Variants in KATNA1 observed in about 807,000 individuals in gnomAD.
KATNA1 encodes katanin p60 ATPase-containing subunit A1.
A neutral mutation model predicts 62.6 loss-of-function variants in KATNA1; 42 were observed. That is an observed-to-expected ratio of 0.67 (90% CI 0.52 to 0.87). The LOEUF (loss-of-function observed/expected upper bound fraction) is 0.87, where lower values mean the gene tolerates loss of function less well. KATNA1 is among the 40% of genes least tolerant of loss of function. KATNA1 has a pLI of 0.00. For missense variants in KATNA1, 498 were observed against 612.5 expected (o/e 0.81, Z 1.97); for synonymous variants, 186 against 201.9 (o/e 0.92, Z 0.67).
At chr6:149,627,077 G>A (rs1050770602) in intron 3 of KATNA1, among the ~76,000 whole-genome samples, 2 of 151,696 alleles carry the variant, frequency 1.3e-5, no homozygotes, top group African/African-American at 4.9e-5. Context: ...AGTACATCAG[G>A]TAATATTAAG....
chr6:149,599,634 C>T (rs1230029180), intron 7 of KATNA1, among the ~76,000 whole-genome samples: 1 of 152,120 alleles, frequency 6.6e-6, no homozygotes, highest in Non-Finnish European at 1.5e-5. Flanking sequence ...TCTCCTGCCT[C>T]AGCCTCCCAA....
intron 7 of KATNA1, among the ~76,000 whole-genome samples, chr6:149,599,256 C>T (rs1270537908): frequency 6.7e-6 from 1 of 150,010 alleles, no homozygotes; most frequent in African/African-American, 2.4e-5. Flanking sequence ...AAAGAGTGAA[C>T]TTCATCATCA....
At chr6:149,628,190 T>C (rs1343780939) in intron 3 of KATNA1, among the ~76,000 whole-genome samples, 5 of 151,126 alleles carry the variant, frequency 3.3e-5, no homozygotes, top group Non-Finnish European at 5.9e-5. Context: ...CTCCGCCTCC[T>C]GGGTTCACGC....
In KATNA1 at chr6:149,604,906, G is replaced by A. The variant is rs896169815; in HGVS notation, c.502-124C>T. The A allele has an allele frequency of 4.5e-5, 38 of 845,102 alleles. 2 individuals are homozygous for A. The highest frequency in any genetic ancestry group is 3.7e-4 in the South Asian group (23 of 62,708). 52.4% of individuals were successfully genotyped at this position (845,102 alleles called of 1,614,324 possible). On this transcript the variant is annotated intron_variant, in intron 4 of 10. Transcript: ENST00000367411. ...AATACATCATTTGGCCAGGCGCAGT[G>A]GCTCACACCTGTAATCCCAGCACTT...
chr6:149,622,486 T>C (rs903665948), intron 4 of KATNA1, among the ~76,000 whole-genome samples: 1 of 152,138 alleles, frequency 6.6e-6, no homozygotes, highest in African/African-American at 2.4e-5. Flanking sequence ...AAAAGGGGCA[T>C]AATATTAATA....
chr6:149,635,702 C>T (rs558753677), intron 2 of KATNA1, among the ~76,000 whole-genome samples: 15 of 149,288 alleles, frequency 1.0e-4, no homozygotes, highest in Admixed American at 8.0e-4. Flanking sequence ...GAGTGAGACT[C>T]CGTCTCAAAA....
rs1022743513 is a variant in KATNA1 at position 149,648,713 on chromosome 6, C to G, written c.-258G>C. ...GGTGCCGGGGACGACCTCGGCGACT[C>G]TGGCGCACGCGGGGCGTCGCCCCGG... On this transcript the variant is annotated 5_prime_UTR_variant, in exon 1 of 11. Transcript: ENST00000367411. The G allele has an allele frequency of 6.6e-6, 1 of 152,344 alleles. No individual in the cohort carries two copies. Among genetic ancestry groups the G allele is most frequent in the Middle Eastern group, 3.4e-3 (1 of 292 alleles). The allele number at this position is 152,344 out of a possible 1,614,324, so 9.4% of individuals were successfully genotyped here. A position where few individuals can be genotyped will look rare whatever the true frequency, so the allele number is the denominator to read the frequency against.
chr6:149,600,314 C>T (rs780683702), intron 7 of KATNA1, among the ~76,000 whole-genome samples: 13 of 150,424 alleles, frequency 8.6e-5, no homozygotes, highest in Non-Finnish European at 1.5e-4. Context: ...GCCTGGGCAA[C>T]GTAGTGAGAC....
At chr6:149,638,727 ATTG>A in intron 1 of KATNA1, 167 bp from the exon 2 acceptor site, 6 of 241,158 alleles carry the variant, frequency 2.5e-5, no homozygotes, top group South Asian at 1.1e-4. Context: ...TAAAAAAAAC[ATTG>A]TTTTTTTTTT....
At chr6:149,642,192 C>G (rs191272261) in intron 1 of KATNA1, among the ~76,000 whole-genome samples, 1 of 152,160 alleles carries the variant, frequency 6.6e-6, no homozygotes, top group Non-Finnish European at 1.5e-5. Flanking sequence ...TGAGCCTATG[C>G]GCCTGGCCGA....
intron 3 of KATNA1, among the ~76,000 whole-genome samples, chr6:149,630,155 G>A (rs1779774628): frequency 2.0e-5 from 3 of 152,244 alleles, no homozygotes; most frequent in Admixed American, 2.0e-4. Flanking sequence ...CTACTTCAAT[G>A]AATTTTTCTA....
chr6:149,599,012 GT>G (rs1778431198), intron 7 of KATNA1, among the ~76,000 whole-genome samples: 1 of 151,916 alleles, frequency 6.6e-6, no homozygotes, highest in African/African-American at 2.4e-5. Context: ...CTACAGGTGT[GT>G]GCCACCACAC....
At chr6:149,602,132 C>T (rs749382588) in intron 6 of KATNA1, among the ~76,000 whole-genome samples, 10 of 152,028 alleles carry the variant, frequency 6.6e-5, no homozygotes, top group African/African-American at 1.2e-4. Flanking sequence ...TTTGAGAGGC[C>T]GAGGCAGGCA....
intron 2 of KATNA1, among the ~76,000 whole-genome samples, chr6:149,637,887 T>C (rs1398856051): frequency 6.6e-6 from 1 of 152,212 alleles, no homozygotes; most frequent in Non-Finnish European, 1.5e-5. Context: ...ATAATACTGC[T>C]GATGGTGAAA....
intron 3 of KATNA1, among the ~76,000 whole-genome samples, chr6:149,626,683 G>A (rs1779622523): frequency 6.6e-6 from 1 of 151,654 alleles, no homozygotes; most frequent in Admixed American, 6.6e-5. Flanking sequence ...TGCAGGGTAT[G>A]TGCAAATATA....
At chr6:149,646,828 G>C (rs1034311062) in intron 1 of KATNA1, among the ~76,000 whole-genome samples, 5 of 152,080 alleles carry the variant, frequency 3.3e-5, no homozygotes, top group African/African-American at 1.2e-4. Context: ...AAAGCTATTT[G>C]GCATGTTATC....
At chr6:149,619,204 A>AT (rs1779300543) in intron 4 of KATNA1, among the ~76,000 whole-genome samples, 2 of 152,320 alleles carry the variant, frequency 1.3e-5, no homozygotes, top group East Asian at 1.9e-4. Flanking sequence ...GAAGACATAT[A>AT]AATGGTCAAG....
chr6:149,595,305 A>G (rs1778258973), intron 10 of KATNA1, 71 bp from the exon 11 acceptor site: 1 of 1,193,034 alleles, frequency 8.4e-7, no homozygotes, highest in African/African-American at 1.5e-5. Flanking sequence ...CTGTTAATAG[A>G]AAAATTTTCA....
chr6:149,630,458 G>C (rs530672875), intron 3 of KATNA1, among the ~76,000 whole-genome samples: 9 of 152,200 alleles, frequency 5.9e-5, no homozygotes, highest in African/African-American at 2.2e-4. Context: ...GTGAAACCCC[G>C]TCTCTACTAA....
Sources: allele counts gnomAD v4.1 joint callset (sites outside exome capture counted in the v4.1 genomes callset), GRCh38; gene constraint gnomAD v4.1.1; transcripts MANE v1.5; gene names NCBI Gene and HGNC (gene_info 2026-07-23, HGNC 2026-07-21).